DOCK7: variants seen among roughly 807,000 people sequenced by gnomAD.
The protein encoded by DOCK7 is dedicator of cytokinesis protein 7.
In DOCK7, 138 loss-of-function variants were observed where a neutral mutation model predicts 271.0. The observed-to-expected ratio is 0.51, with a 90% CI of 0.44 to 0.59. The LOEUF (loss-of-function observed/expected upper bound fraction) is 0.59, where lower values mean the gene tolerates loss of function less well. Among genes scored for constraint, DOCK7 ranks in the 20% least tolerant of loss-of-function variants. DOCK7 has a pLI of 0.00. For synonymous variants in DOCK7, 823 were observed against 876.1 expected (o/e 0.94, Z 1.07); for missense variants, 2,066 against 2,592.4 (o/e 0.80, Z 4.41).
At chr1:62,586,481 TAGA>T in intron 15 of DOCK7, 23 bp downstream of exon 15, 2 of 1,517,296 alleles carry the variant, frequency 1.3e-6, no homozygotes, top group Non-Finnish European at 1.8e-6. Context: ...TACAAAAAAT[TAGA>T]AAAGTAAAAG....
chr1:62,638,540 T>C (rs996258656), intron 7 of DOCK7, among the ~76,000 whole-genome samples: 4 of 149,358 alleles, frequency 2.7e-5, no homozygotes, highest in African/African-American at 9.8e-5. Context: ...AATATATATT[T>C]TCATGAATAT....
intron 18 of DOCK7, among the ~76,000 whole-genome samples, chr1:62,569,718 C>T (rs1398021334): frequency 7.3e-6 from 1 of 136,064 alleles, no homozygotes; most frequent in East Asian, 2.3e-4. Flanking sequence ...CCCCTCCCCC[C>T]CCCCTTTTTT....
chr1:62,584,557 T>TTTTCACAAAATAACTTGTTTA, intron 15 of DOCK7: 8 of 1,179,242 alleles, frequency 6.8e-6, no homozygotes, highest in Non-Finnish European at 8.4e-6. Flanking sequence ...AAGCTATCAC[T>TTTTCACAAAATAACTTGTTTA]TTTCACAAAA....
At chr1:62,662,692 C>T (rs948439139) in intron 2 of DOCK7, among the ~76,000 whole-genome samples, 2 of 151,992 alleles carry the variant, frequency 1.3e-5, no homozygotes, top group African/African-American at 2.4e-5. Context: ...ACCCAGGAGG[C>T]GGAAGTTGCA....
rs745556451 is a variant in DOCK7, at chr1:62,455,328, A to T, written c.*86T>A. 5 of 1,412,136 alleles carry T rather than the reference A, an allele frequency of 3.5e-6. No homozygotes were observed. The South Asian group carries it at 5.8e-5, about 17-fold the overall frequency. The allele number at this position is 1,412,136 out of a possible 1,614,324, so 87.5% of individuals were successfully genotyped here. ...AATGAATAATAATTTCCAGAATTCC[A>T]TTCCATGTTGTTTTCCAATAGATCT... On this transcript the variant is annotated 3_prime_UTR_variant, in exon 50 of 50. Transcript: ENST00000635253.
chr1:62,631,518 G>A lies in DOCK7; in HGVS notation c.1117-113C>T, dbSNP rs921619807. The A allele has an allele frequency of 1.4e-5, 13 of 946,286 alleles. No homozygotes were observed. In the Admixed American group the frequency reaches 3.5e-4, roughly 26 times the overall value. The allele number at this position is 946,286 out of a possible 1,614,324, so 58.6% of individuals were successfully genotyped here. A position where few individuals can be genotyped will look rare whatever the true frequency, so the allele number is the denominator to read the frequency against. ...AGAAGTCTCAATTCTCAGCAGAGAT[G>A]AGAAAAAAATCTGTACCTTACAGAG... is the stretch of plus-strand genomic sequence containing the variant. On this transcript the variant is annotated intron_variant, in intron 10 of 49. Coordinates refer to ENST00000635253, the MANE Select transcript of DOCK7 (RefSeq NM_001367561.1).
At chr1:62,609,654 T>A (rs982426916) in intron 14 of DOCK7, 2 of 152,140 alleles carry the variant, frequency 1.3e-5, no homozygotes, top group African/African-American at 2.4e-5. Context: ...TAACTGAACA[T>A]ATTATAATTC....
At chr1:62,568,633 G>C (rs916616462) in intron 18 of DOCK7, among the ~76,000 whole-genome samples, 3 of 136,888 alleles carry the variant, frequency 2.2e-5, no homozygotes, top group Non-Finnish European at 3.1e-5. Flanking sequence ...AAAAAAGCTA[G>C]GAAGATCTCA....
intron 16 of DOCK7, among the ~76,000 whole-genome samples, chr1:62,582,619 A>C (rs930158876): frequency 6.6e-6 from 1 of 151,280 alleles, no homozygotes; most frequent in African/African-American, 2.4e-5. Context: ...AAAAAAGATA[A>C]AATGAATTGC....
intron 14 of DOCK7, among the ~76,000 whole-genome samples, chr1:62,615,986 G>A (rs1262285043): frequency 6.6e-6 from 1 of 151,684 alleles, no homozygotes; most frequent in Non-Finnish European, 1.5e-5. Flanking sequence ...AAGTGAGAAA[G>A]CATTCCACCC....
intron 15 of DOCK7, 99 bp downstream of exon 15, chr1:62,586,408 C>T: frequency 2.6e-6 from 2 of 778,414 alleles, no homozygotes; most frequent in Non-Finnish European, 4.1e-6. Context: ...TTTAAAAGAT[C>T]ACATTAATTT....
At chr1:62,674,089 T>C (rs1195466623) in intron 1 of DOCK7, among the ~76,000 whole-genome samples, 3 of 152,096 alleles carry the variant, frequency 2.0e-5, no homozygotes, top group African/African-American at 4.8e-5. Flanking sequence ...CTAGAAATAC[T>C]AAACAAGTTC....
At chr1:62,597,457 C>T in intron 14 of DOCK7, 2 of 1,211,078 alleles carry the variant, frequency 1.7e-6, no homozygotes, top group African/African-American at 1.5e-5. Context: ...GTTCACCTAC[C>T]AACCTTACCT....
chr1:62,497,850 A>G (rs1370471008), intron 37 of DOCK7, among the ~76,000 whole-genome samples: 1 of 152,178 alleles, frequency 6.6e-6, no homozygotes, highest in Non-Finnish European at 1.5e-5. Context: ...AATATGTCAC[A>G]CTACATAGTA....
At chr1:62,523,879 A>C (rs1051394328) in intron 31 of DOCK7, among the ~76,000 whole-genome samples, 3 of 152,188 alleles carry the variant, frequency 2.0e-5, no homozygotes, top group African/African-American at 7.2e-5. Flanking sequence ...AGATAAATAA[A>C]TAAATAAATA....
At chr1:62,456,796 G>A (rs1645361946) in intron 49 of DOCK7, among the ~76,000 whole-genome samples, 1 of 152,138 alleles carries the variant, frequency 6.6e-6, no homozygotes, top group African/African-American at 2.4e-5. Context: ...ATAAGACTGG[G>A]AGAGGGGGAG....
At chr1:62,636,714 T>G (rs1655319129) in intron 7 of DOCK7, 111 bp from the exon 8 acceptor site, 2 of 833,618 alleles carry the variant, frequency 2.4e-6, no homozygotes, top group Admixed American at 2.8e-5. Context: ...TTTCTACACC[T>G]GTGCCTTTGC....
In DOCK7 at chr1:62,593,573, AAAAT is replaced by A. The variant is rs1237869030; in HGVS notation, c.1683-6953_1683-6950del. ...CAACAAAGAGCAAAACTCCGTCTCA[AAAAT>A]AAATAAAGAAAAAATCTTTACATGT... On this transcript the variant is annotated intron_variant, in intron 14 of 49. Coordinates refer to ENST00000635253, the MANE Select transcript of DOCK7 (RefSeq NM_001367561.1). Among the ~76,000 whole-genome samples the A allele has an allele frequency of 3.3e-5, 5 of 152,344 alleles. No individual in the cohort carries two copies. In the East Asian group the frequency reaches 9.6e-4, roughly 29 times the overall value.
chr1:62,495,370 T>G, intron 39 of DOCK7: 1 of 292,750 alleles, frequency 3.4e-6, no homozygotes, highest in Non-Finnish European at 6.2e-6. Context: ...GACAGGCAGA[T>G]CTCTTGAGCC....
Sources: gnomAD v4.1 joint callset for allele counts (sites outside exome capture counted in the v4.1 genomes callset) on GRCh38, gnomAD v4.1.1 for gene constraint, MANE v1.5 for transcripts, NCBI Gene and HGNC (gene_info 2026-07-23, HGNC 2026-07-21) for gene names.